Variants in CCDC178 observed in about 807,000 individuals in gnomAD.
CCDC178 encodes coiled-coil domain containing 178.
Under a neutral mutation model 117.4 loss-of-function variants are expected in CCDC178, and 126 were observed. That is an observed-to-expected ratio of 1.07 (90% CI 0.93 to 1.24). The LOEUF (loss-of-function observed/expected upper bound fraction) is 1.24. Ranked by LOEUF, CCDC178 falls within the 50% of genes most tolerant of loss-of-function variation. The pLI, the probability that CCDC178 is intolerant of heterozygous loss-of-function variation, is 0.00. For synonymous variants in CCDC178, 283 were observed against 313.4 expected (o/e 0.90, Z 1.02); for missense variants, 1,030 against 986.9 (o/e 1.04, Z -0.59).
At chr18:33,007,988 G>T (rs1463970295) in intron 21 of CCDC178, among the ~76,000 whole-genome samples, 3 of 152,066 alleles carry the variant, frequency 2.0e-5, no homozygotes, top group Non-Finnish European at 4.4e-5. Context: ...TGATGTATTG[G>T]CTTCTCATTT....
At chr18:33,059,049 C>G (rs560687678) in intron 21 of CCDC178, among the ~76,000 whole-genome samples, 1 of 152,166 alleles carries the variant, frequency 6.6e-6, no homozygotes, top group South Asian at 2.1e-4. Context: ...GGTCAACGAC[C>G]TACAGACTTA....
intron 21 of CCDC178, among the ~76,000 whole-genome samples, chr18:33,072,177 T>G (rs1412932375): frequency 6.6e-6 from 1 of 152,166 alleles, no homozygotes; most frequent in African/African-American, 2.4e-5. Context: ...AATTTGGTCT[T>G]TTTGTGTTTT....
chr18:33,090,406 A>T (rs575261761), intron 21 of CCDC178, among the ~76,000 whole-genome samples: 10 of 152,328 alleles, frequency 6.6e-5, no homozygotes, highest in African/African-American at 2.4e-4. Context: ...GAGATCCATT[A>T]TATCTGTCAA....
chr18:33,320,379 A>G (rs1049342394), intron 11 of CCDC178, among the ~76,000 whole-genome samples: 2 of 152,214 alleles, frequency 1.3e-5, no homozygotes, highest in East Asian at 1.9e-4. Context: ...TAAGCTGATA[A>G]GCAACTTCAG....
At chr18:33,192,491 C>T (rs992112445) in intron 20 of CCDC178, among the ~76,000 whole-genome samples, 10 of 152,182 alleles carry the variant, frequency 6.6e-5, no homozygotes, top group African/African-American at 2.4e-4. Context: ...TATCAAAGCA[C>T]TCTGATAGGC....
intron 20 of CCDC178, among the ~76,000 whole-genome samples, chr18:33,188,056 T>G (rs891589805): frequency 1.3e-5 from 2 of 152,126 alleles, no homozygotes; most frequent in African/African-American, 2.4e-5. Flanking sequence ...TGGGGAAATA[T>G]TCCATCAAAA....
intron 4 of CCDC178, among the ~76,000 whole-genome samples, chr18:33,395,171 C>T (rs78414714): frequency 6.6e-6 from 1 of 151,006 alleles, no homozygotes; most frequent in African/African-American, 2.4e-5. Flanking sequence ...AAAAGACAAC[C>T]TAGTCTCACG....
intron 20 of CCDC178, among the ~76,000 whole-genome samples, chr18:33,117,141 T>G (rs166608): frequency 0.16 from 24,468 of 152,070 alleles, 2,753 homozygotes; most frequent in African/African-American, 0.32. Flanking sequence ...TGCCCATTCT[T>G]AATGGGCAAA....
chr18:33,044,114 G>C (rs567397345), intron 21 of CCDC178, among the ~76,000 whole-genome samples: 13 of 151,360 alleles, frequency 8.6e-5, no homozygotes, highest in Admixed American at 4.0e-4. Flanking sequence ...TATAAAACTT[G>C]GGAAAATAAA....
At chr18:33,390,984 A>G (rs528690922) in intron 4 of CCDC178, among the ~76,000 whole-genome samples, 1 of 151,814 alleles carries the variant, frequency 6.6e-6, no homozygotes, top group East Asian at 1.9e-4. Context: ...AGCATAAAAT[A>G]AGGCAAAAGT....
At chr18:33,297,048 T>A (rs1568125539) in intron 11 of CCDC178, among the ~76,000 whole-genome samples, 1 of 151,604 alleles carries the variant, frequency 6.6e-6, no homozygotes, top group Admixed American at 6.6e-5. Context: ...TAAATAAATA[T>A]ATAGAAATAC....
intron 20 of CCDC178, among the ~76,000 whole-genome samples, chr18:33,186,891 G>A (rs1002242112): frequency 2.0e-5 from 3 of 152,040 alleles, no homozygotes; most frequent in South Asian, 2.1e-4. Flanking sequence ...GTCAGAGAGA[G>A]CAGTTGAAAG....
intron 20 of CCDC178, among the ~76,000 whole-genome samples, chr18:33,138,953 T>G (rs1441911332): frequency 6.6e-6 from 1 of 152,220 alleles, no homozygotes; most frequent in African/African-American, 2.4e-5. Flanking sequence ...GGTTTGGCTG[T>G]GTCCCCACCC....
intron 3 of CCDC178, among the ~76,000 whole-genome samples, chr18:33,405,174 A>T (rs2063763490): frequency 6.6e-6 from 1 of 152,010 alleles, no homozygotes; most frequent in Non-Finnish European, 1.5e-5. Context: ...ATAGAACAAT[A>T]GTTATTTAAA....
intron 21 of CCDC178, among the ~76,000 whole-genome samples, chr18:33,063,430 C>T: frequency 6.6e-6 from 1 of 152,094 alleles, no homozygotes; most frequent in Non-Finnish European, 1.5e-5. Flanking sequence ...GAAGCTTGCC[C>T]CCACCAGTGG....
intron 5 of CCDC178, among the ~76,000 whole-genome samples, chr18:33,380,295 G>A (rs145475687): frequency 2.0e-5 from 3 of 152,298 alleles, no homozygotes; most frequent in Non-Finnish European, 2.9e-5. Flanking sequence ...ATTTCTGGCT[G>A]TAGAGGCACA....
chr18:32,971,495 T>A (rs956053811), intron 22 of CCDC178, among the ~76,000 whole-genome samples: 5 of 152,208 alleles, frequency 3.3e-5, no homozygotes, highest in African/African-American at 1.2e-4. Context: ...CATGTGCATA[T>A]GTCTTTATAG....
chr18:33,072,463 A>G (rs1034515587), intron 21 of CCDC178, among the ~76,000 whole-genome samples: 1 of 152,140 alleles, frequency 6.6e-6, no homozygotes, highest in Non-Finnish European at 1.5e-5. Context: ...ATCATCTCAT[A>G]TAATCTTCAC....
intron 12 of CCDC178, among the ~76,000 whole-genome samples, chr18:33,279,989 C>A (rs2060001051): frequency 6.6e-6 from 1 of 151,586 alleles, no homozygotes; most frequent in South Asian, 2.1e-4. Context: ...GACCTAAAAC[C>A]ATAAAAACCC....
Sources: gnomAD v4.1 joint callset for allele counts (sites outside exome capture counted in the v4.1 genomes callset) on GRCh38, gnomAD v4.1.1 for gene constraint, MANE v1.5 for transcripts, NCBI Gene and HGNC (gene_info 2026-07-23, HGNC 2026-07-21) for gene names.